The following SPIRE1 variants were observed in gnomAD, a reference collection of about 807,000 sequenced individuals.
The protein encoded by SPIRE1 is spire type actin nucleation factor 1.
Under a neutral mutation model 94.1 loss-of-function variants are expected in SPIRE1, and 40 were observed. The ratio of observed to expected loss-of-function variants is 0.43; its 90% confidence interval spans 0.33 to 0.55. The LOEUF is 0.55. Among genes scored for constraint, SPIRE1 ranks in the 20% least tolerant of loss-of-function variants. The probability of loss-of-function intolerance (pLI) is 0.06; values close to 1 mark genes in which losing one functional copy is unlikely to be tolerated. For missense variants in SPIRE1, 838 were observed against 975.2 expected, an observed-to-expected ratio of 0.86 and a Z score of 1.87; for synonymous variants, 376 against 371.7, an observed-to-expected ratio of 1.01 and a Z score of -0.13.
chr18:12,481,774 G>C (rs951931543), intron 9 of SPIRE1, among the ~76,000 whole-genome samples: 3 of 152,082 alleles, frequency 2.0e-5, no homozygotes, highest in African/African-American at 4.8e-5. Context: ...AAATTATAAA[G>C]GTAAAAATCT....
chr18:12,545,211 AAC>A lies in SPIRE1; in HGVS notation c.603+1461_603+1462del, dbSNP rs1425686218. Reference sequence around the variant, plus strand: ...CATCTAGAAAACATAACATAAATAAAACACATCAAATTTCTATTTGTTTGTGT... The same window carrying A: ...CATCTAGAAAACATAACATAAATAAAACATCAAATTTCTATTTGTTTGTGT... On this transcript the variant is annotated intron_variant, in intron 3 of 16. Coordinates refer to ENST00000409402, the MANE Select transcript of SPIRE1 (RefSeq NM_001128626.2). Among the ~76,000 whole-genome samples the A allele has an allele frequency of 2.0e-5, 3 of 152,352 alleles. No individual in the cohort carries two copies. In the East Asian group the frequency reaches 5.8e-4, roughly 29 times the overall value.
intron 8 of SPIRE1, among the ~76,000 whole-genome samples, chr18:12,487,380 G>A (rs535152854): frequency 3.4e-4 from 51 of 150,254 alleles, no homozygotes; most frequent in African/African-American, 1.2e-3. Flanking sequence ...GAAGACTACC[G>A]TAATTATCAT....
intron 2 of SPIRE1, among the ~76,000 whole-genome samples, chr18:12,616,362 A>G (rs187033856): frequency 5.6e-4 from 85 of 152,296 alleles, no homozygotes; most frequent in African/African-American, 1.9e-3. Flanking sequence ...GAGAGTCTAG[A>G]TATCAGCTGA....
intron 12 of SPIRE1, 98 bp downstream of exon 12, chr18:12,463,253 T>C: frequency 8.0e-7 from 1 of 1,256,736 alleles, no homozygotes; most frequent in African/African-American, 1.5e-5. Flanking sequence ...TTCTAACTTT[T>C]GCAAGTTTTT....
chr18:12,495,615 G>A (rs1006524999), intron 7 of SPIRE1, among the ~76,000 whole-genome samples: 1 of 152,196 alleles, frequency 6.6e-6, no homozygotes, highest in African/African-American at 2.4e-5. Flanking sequence ...AAGGCCAGCT[G>A]TAGTGGCTCA....
At chr18:12,450,553 C>T (rs1036730639) in intron 16 of SPIRE1, 3 of 556,378 alleles carry the variant, frequency 5.4e-6, no homozygotes, top group Non-Finnish European at 9.7e-6. Flanking sequence ...CGGTCTCTGT[C>T]AATTTTGCAG....
chr18:12,527,946 G>C (rs982758047), intron 4 of SPIRE1, among the ~76,000 whole-genome samples: 1 of 151,750 alleles, frequency 6.6e-6, no homozygotes, highest in Non-Finnish European at 1.5e-5. Flanking sequence ...GGTGCCTGTA[G>C]TCCCAGCTAC....
intron 2 of SPIRE1, among the ~76,000 whole-genome samples, chr18:12,618,074 CAGGTTCA>C: frequency 6.6e-6 from 1 of 152,156 alleles, no homozygotes; most frequent in East Asian, 1.9e-4. Flanking sequence ...CCCTAGATAA[CAGGTTCA>C]AACTATAAGG....
At chr18:12,468,937 A>G (rs1410889162) in intron 10 of SPIRE1, among the ~76,000 whole-genome samples, 1 of 151,880 alleles carries the variant, frequency 6.6e-6, no homozygotes, top group African/African-American at 2.4e-5. Flanking sequence ...GGTGGTGCAC[A>G]CCTATGGTCC....
chr18:12,641,382 T>TTC (rs1475795276), intron 1 of SPIRE1, among the ~76,000 whole-genome samples: 1 of 151,230 alleles, frequency 6.6e-6, no homozygotes, highest in Non-Finnish European at 1.5e-5. Context: ...TTCTTTTTTT[T>TTC]TTTTTGAGAT....
intron 2 of SPIRE1, among the ~76,000 whole-genome samples, chr18:12,580,093 G>A (rs1200194770): frequency 6.6e-6 from 1 of 152,176 alleles, no homozygotes. Context: ...AAACAGGATA[G>A]AAACAGCTCC....
chr18:12,626,886 A>ATATATTT (rs55915333), intron 2 of SPIRE1, among the ~76,000 whole-genome samples: 24 of 111,892 alleles, frequency 2.1e-4, no homozygotes, highest in East Asian at 2.6e-4. Flanking sequence ...ATATATATAT[A>ATATATTT]TTTTTTTTTT....
chr18:12,608,166 A>AG (rs2037040354), intron 2 of SPIRE1, among the ~76,000 whole-genome samples: 2 of 151,754 alleles, frequency 1.3e-5, no homozygotes, highest in Non-Finnish European at 2.9e-5. Flanking sequence ...TCAAAAAAAA[A>AG]AAAAAAAATC....
chr18:12,452,451 G>GA, intron 15 of SPIRE1, 34 bp downstream of exon 15: 2 of 1,614,042 alleles, frequency 1.2e-6, no homozygotes, highest in Non-Finnish European at 1.7e-6. Flanking sequence ...TCACTAAAAG[G>GA]AACACAAGTA....
chr18:12,479,926 T>G, intron 9 of SPIRE1, 55 bp from the exon 10 acceptor site: 2 of 1,537,542 alleles, frequency 1.3e-6, no homozygotes, highest in Non-Finnish European at 1.8e-6. Flanking sequence ...TTATCTGTGT[T>G]GGAAGCATAC....
intron 2 of SPIRE1, among the ~76,000 whole-genome samples, chr18:12,615,345 A>AAAAAAAAAAAAAAAAAAAAAATATATAT: frequency 5.8e-5 from 1 of 17,242 alleles, no homozygotes; most frequent in Non-Finnish European, 1.9e-4. Context: ...AAAAAAAAAA[A>AAAAAAAAAAAAAAAAAAAAAATATATAT]ATATATATAT....
At chr18:12,581,142 A>G (rs1327166245) in intron 2 of SPIRE1, among the ~76,000 whole-genome samples, 1 of 152,202 alleles carries the variant, frequency 6.6e-6, no homozygotes, top group Admixed American at 6.5e-5. Context: ...AAAGGACTTG[A>G]GAATTCCACA....
chr18:12,485,634 T>A (rs1229759533), intron 9 of SPIRE1, among the ~76,000 whole-genome samples: 1 of 152,190 alleles, frequency 6.6e-6, no homozygotes, highest in Non-Finnish European at 1.5e-5. Context: ...AGGGCAAAGG[T>A]CTGCTGTAGG....
intron 16 of SPIRE1, chr18:12,450,616 G>A (rs894991107): frequency 1.0e-5 from 6 of 572,962 alleles, no homozygotes; most frequent in African/African-American, 7.7e-5. Flanking sequence ...GGAAAGAGAA[G>A]TCTAAATTTG....
Sources: gnomAD v4.1 joint callset for allele counts (sites outside exome capture counted in the v4.1 genomes callset) on GRCh38, gnomAD v4.1.1 for gene constraint, MANE v1.5 for transcripts, NCBI Gene and HGNC (gene_info 2026-07-23, HGNC 2026-07-21) for gene names.